The following CORIN variants were observed in gnomAD, a reference collection of about 807,000 sequenced individuals.
CORIN encodes the protein corin, serine peptidase.
In CORIN, 117 loss-of-function variants were observed where a neutral mutation model predicts 125.3. The ratio of observed to expected loss-of-function variants is 0.93; its 90% CI spans 0.80 to 1.09. The LOEUF (loss-of-function observed/expected upper bound fraction) is 1.09. Ranked by LOEUF, CORIN falls within the 50% of genes least tolerant of loss-of-function variation. The pLI, the probability that CORIN is intolerant of heterozygous loss-of-function variation, is 0.00. For synonymous variants in CORIN, 450 were observed against 466.4 expected (o/e 0.96, Z 0.45); for missense variants, 1,253 against 1,306.7 (o/e 0.96, Z 0.63).
rs776556711 is a variant in CORIN at position 47,645,074 on chromosome 4, C to A, written c.1957+7G>T. 6.5e-7 allele frequency: 1 copy of A among 1,537,976 alleles called. No homozygotes were observed. The highest frequency in any genetic ancestry group is 1.1e-5 in the South Asian group (1 of 86,988). On this transcript the variant is annotated splice_region_variant and intron_variant, in intron 14 of 21. Coordinates refer to ENST00000273857, the MANE Select transcript of CORIN (RefSeq NM_006587.4). ...TGCTCTGTTGACAAATTCGCATAAGCACTTACAGCAGTTTTTCTCGTCCAT... is the reference window on the plus strand; with the variant it reads ...TGCTCTGTTGACAAATTCGCATAAGAACTTACAGCAGTTTTTCTCGTCCAT...
At chr4:47,686,026 A>G (rs2109727360) in intron 6 of CORIN, among the ~76,000 whole-genome samples, 1 of 148,626 alleles carries the variant, frequency 6.7e-6, no homozygotes, top group South Asian at 2.2e-4. Flanking sequence ...TACAAGTAGC[A>G]GCCACCACTT....
chr4:47,647,434 G>A (rs1342551205), intron 13 of CORIN, among the ~76,000 whole-genome samples: 3 of 152,162 alleles, frequency 2.0e-5, no homozygotes, highest in Admixed American at 6.5e-5. Flanking sequence ...GAAGAACTTC[G>A]ACATTTGGAA....
chr4:47,626,652 G>T, intron 16 of CORIN, 131 bp from the exon 17 acceptor site: 2 of 711,176 alleles, frequency 2.8e-6, no homozygotes, highest in African/African-American at 1.7e-5. Context: ...AGGAGAATTT[G>T]GACTGTTACA....
chr4:47,616,156 A>G (rs945960264), intron 19 of CORIN, among the ~76,000 whole-genome samples: 6 of 152,120 alleles, frequency 3.9e-5, no homozygotes, highest in African/African-American at 1.2e-4. Context: ...ATTCATGTGA[A>G]GTTGGTGGGT....
Position 47,643,237 on chromosome 4 carries a change from C to T in CORIN, c.1977G>A (p.Glu659=), listed in dbSNP as rs749374385. ...EKNCSFCQDD[E]LECANHACVS... is the part of the protein sequence containing the mutation. ...CACACGCATGGTTTGCACATTCCAG[C>T]TCATCATCTTGGCAAAATGCTGGCA... The change falls in exon 15 of 22, where the codon GAG becomes GAA. Residue 659 remains glutamate, a synonymous_variant. Coordinates refer to ENST00000273857, the MANE Select transcript of CORIN (RefSeq NM_006587.4). 4 of 1,597,710 alleles carry T rather than the reference C, an allele frequency of 2.5e-6. No homozygotes were observed. The Admixed American group carries it at 5.2e-5, about 21-fold the overall frequency.
intron 1 of CORIN, among the ~76,000 whole-genome samples, chr4:47,824,900 G>C (rs1272767941): frequency 6.6e-6 from 1 of 152,158 alleles, no homozygotes; most frequent in East Asian, 1.9e-4. Context: ...ACTCTGCCTT[G>C]CTTACCCAAC....
intron 3 of CORIN, among the ~76,000 whole-genome samples, chr4:47,786,099 A>T (rs1422601690): frequency 6.6e-6 from 1 of 152,142 alleles, no homozygotes; most frequent in Non-Finnish European, 1.5e-5. Context: ...TTCACAGATG[A>T]ACCACTACAA....
chr4:47,653,791 C>A, intron 12 of CORIN, 131 bp from the exon 13 acceptor site: 1 of 721,998 alleles, frequency 1.4e-6, no homozygotes, highest in South Asian at 1.9e-5. Flanking sequence ...AACGAAATAG[C>A]CATTTTGCTT....
chr4:47,744,683 CT>C (rs1275860737), intron 4 of CORIN, 100 bp from the exon 5 acceptor site: 1 of 1,133,146 alleles, frequency 8.8e-7, no homozygotes, highest in Non-Finnish European at 1.2e-6. Flanking sequence ...GTGATATTAT[CT>C]TAATTTATAC....
chr4:47,634,927 G>A (rs1722965738), intron 16 of CORIN, among the ~76,000 whole-genome samples: 1 of 152,220 alleles, frequency 6.6e-6, no homozygotes, highest in South Asian at 2.1e-4. Flanking sequence ...CACAATATGT[G>A]CCCGCTGCAT....
chr4:47,834,387 G>A (rs967927689), intron 1 of CORIN, among the ~76,000 whole-genome samples: 2 of 152,092 alleles, frequency 1.3e-5, no homozygotes, highest in African/African-American at 4.8e-5. Context: ...CCACTTAATT[G>A]AGGAATCTTA....
At chr4:47,663,028 A>G (rs190376171) in intron 11 of CORIN, among the ~76,000 whole-genome samples, 13 of 152,342 alleles carry the variant, frequency 8.5e-5, no homozygotes, top group African/African-American at 2.6e-4. Flanking sequence ...AAAAATGTAT[A>G]TAACTCAATT....
In CORIN at chr4:47,678,160, T is replaced by G. The variant is rs1415983241; in HGVS notation, c.1133-106A>C. The G allele has an allele frequency of 1.1e-5, 9 of 794,662 alleles. No individual in the cohort carries two copies. The Admixed American group carries it at 1.6e-4, about 14-fold the overall frequency. The allele number at this position is 794,662 out of a possible 1,614,324, so 49.2% of individuals were successfully genotyped here. ...TATCAAGCATCGCTAAGAAACAAGG[T>G]GTTCTGCACACACAAATGAACATAT... On this transcript the variant is annotated intron_variant, in intron 8 of 21. Coordinates refer to ENST00000273857, the MANE Select transcript of CORIN (RefSeq NM_006587.4).
At chr4:47,741,211 T>C (rs949337825) in intron 5 of CORIN, among the ~76,000 whole-genome samples, 13 of 151,958 alleles carry the variant, frequency 8.6e-5, no homozygotes, top group Middle Eastern at 3.2e-3. Flanking sequence ...ATCCAGAATA[T>C]ATAAAGAACC....
chr4:47,756,189 T>C (rs1311575634), intron 4 of CORIN, among the ~76,000 whole-genome samples: 1 of 152,168 alleles, frequency 6.6e-6, no homozygotes, highest in Non-Finnish European at 1.5e-5. Flanking sequence ...AGAAAGATAC[T>C]ACCAGGTAAA....
intron 9 of CORIN, among the ~76,000 whole-genome samples, 174 bp downstream of exon 9, chr4:47,677,764 T>C (rs936702838): frequency 1.3e-5 from 2 of 152,238 alleles, no homozygotes; most frequent in Admixed American, 6.5e-5. Context: ...TTGAGAATTA[T>C]GTTTAGCACA....
At chr4:47,748,243 T>G (rs1728751980) in intron 4 of CORIN, among the ~76,000 whole-genome samples, 1 of 152,250 alleles carries the variant, frequency 6.6e-6, no homozygotes, top group Non-Finnish European at 1.5e-5. Flanking sequence ...ATTTTGCTTT[T>G]CATCACATGG....
chr4:47,802,971 C>T (rs1201764154), intron 2 of CORIN, among the ~76,000 whole-genome samples: 1 of 152,160 alleles, frequency 6.6e-6, no homozygotes, highest in East Asian at 1.9e-4. Flanking sequence ...GAGTCTCGGC[C>T]TGGCAATTCA....
intron 2 of CORIN, 48 bp from the exon 3 acceptor site, chr4:47,786,973 C>T (rs776226229): frequency 7.8e-7 from 1 of 1,275,058 alleles, no homozygotes; most frequent in South Asian, 1.4e-5. Context: ...TGAAACATTA[C>T]TAGAAGTGTT....
Sources: allele counts gnomAD v4.1 joint callset (sites outside exome capture counted in the v4.1 genomes callset), GRCh38; gene constraint gnomAD v4.1.1; transcripts MANE v1.5; gene names NCBI Gene and HGNC (gene_info 2026-07-23, HGNC 2026-07-21).